The following CPQ variants were observed in gnomAD, a reference collection of about 807,000 sequenced individuals.
CPQ encodes Ser-Met dipeptidase.
A neutral mutation model predicts 45.7 loss-of-function variants in CPQ; 37 were observed. The ratio of observed to expected loss-of-function variants is 0.81; its 90% CI spans 0.62 to 1.07. The LOEUF (loss-of-function observed/expected upper bound fraction) is 1.07. CPQ is among the 50% of genes least tolerant of loss of function. CPQ has a pLI of 0.00. For synonymous variants in CPQ, 186 were observed against 205.8 expected, an observed-to-expected ratio of 0.90 and a Z score of 0.82; for missense variants, 537 against 572.9, an observed-to-expected ratio of 0.94 and a Z score of 0.64.
At chr8:96,660,061 C>T (rs868073234) in intron 1 of CPQ, among the ~76,000 whole-genome samples, 1 of 152,144 alleles carries the variant, frequency 6.6e-6, no homozygotes, top group Non-Finnish European at 1.5e-5. Context: ...AGGTATATTT[C>T]TAGGTGGATT....
chr8:96,896,992 C>A (rs1333579994), intron 4 of CPQ, among the ~76,000 whole-genome samples: 1 of 152,116 alleles, frequency 6.6e-6, no homozygotes, highest in Non-Finnish European at 1.5e-5. Flanking sequence ...GATATGGAAT[C>A]CCCATCTTCT....
intron 1 of CPQ, among the ~76,000 whole-genome samples, chr8:96,718,217 C>T: frequency 6.6e-6 from 1 of 152,220 alleles, no homozygotes; most frequent in East Asian, 1.9e-4. Flanking sequence ...TAACTGGGGG[C>T]TTCTCCCAAC....
chr8:96,860,504 T>G (rs1811912614), intron 3 of CPQ, among the ~76,000 whole-genome samples: 1 of 152,164 alleles, frequency 6.6e-6, no homozygotes, highest in Non-Finnish European at 1.5e-5. Flanking sequence ...AGCTCCTTGA[T>G]CCAGTAACAG....
At chr8:97,069,243 A>T (rs1480112600) in intron 7 of CPQ, among the ~76,000 whole-genome samples, 2 of 152,066 alleles carry the variant, frequency 1.3e-5, no homozygotes, top group Non-Finnish European at 2.9e-5. Flanking sequence ...TCTTCCTTTT[A>T]TTACTTTTGA....
At chr8:96,883,951 A>T (rs1812265941) in intron 4 of CPQ, among the ~76,000 whole-genome samples, 1 of 152,166 alleles carries the variant, frequency 6.6e-6, no homozygotes, top group Admixed American at 6.5e-5. Flanking sequence ...AAAATGAAGG[A>T]GTAAGTAAGA....
chr8:96,649,572 G>A (rs1815554998), intron 1 of CPQ, among the ~76,000 whole-genome samples: 1 of 152,198 alleles, frequency 6.6e-6, no homozygotes, highest in Non-Finnish European at 1.5e-5. Context: ...TGGGTGAGTG[G>A]AGATGCCACT....
Position 96,912,992 on chromosome 8 carries a change from T to C in CPQ, c.849+32987T>C, listed in dbSNP as rs570391822. 2.0e-5 allele frequency among the ~76,000 whole-genome samples: 3 copies of C among 152,296 alleles called. No individual in the cohort carries two copies. The South Asian group carries it at 6.2e-4, about 32-fold the overall frequency. On this transcript the variant is annotated intron_variant, in intron 4 of 7. Coordinates refer to ENST00000220763, the MANE Select transcript of CPQ (RefSeq NM_016134.4). ...GTAGAGGCCAGGACCAACTGTGTTA[T>C]CCTCTTTCTCCTGCTCCTCTCCTCC...
At chr8:96,971,040 T>A (rs914228251) in intron 5 of CPQ, among the ~76,000 whole-genome samples, 3 of 152,212 alleles carry the variant, frequency 2.0e-5, no homozygotes, top group Non-Finnish European at 4.4e-5. Flanking sequence ...TAACATTTGT[T>A]GGGAGAGTAT....
chr8:96,910,320 A>G (rs930464590), intron 4 of CPQ, among the ~76,000 whole-genome samples: 6 of 152,114 alleles, frequency 3.9e-5, no homozygotes, highest in Admixed American at 1.3e-4. Flanking sequence ...TTTGCTTACT[A>G]TGTCATATCT....
chr8:97,033,735 T>C (rs778343075), intron 6 of CPQ, among the ~76,000 whole-genome samples: 7 of 152,144 alleles, frequency 4.6e-5, no homozygotes, highest in Non-Finnish European at 7.4e-5. Flanking sequence ...TTTCTTCTTT[T>C]TGTTTTTCTG....
intron 1 of CPQ, among the ~76,000 whole-genome samples, chr8:96,652,389 G>A (rs767647555): frequency 6.6e-6 from 1 of 152,152 alleles, no homozygotes; most frequent in Non-Finnish European, 1.5e-5. Flanking sequence ...TGGACACTTC[G>A]GTTGATTCTA....
Position 97,131,541 on chromosome 8 carries a change from A to G in CPQ, c.1256-11479A>G, listed in dbSNP as rs556239452. Among the ~76,000 whole-genome samples the G allele has an allele frequency of 2.4e-4, 36 of 152,250 alleles. No individual in the cohort carries two copies. In the South Asian group the frequency reaches 5.8e-3, roughly 25 times the overall value. ...TTTCTTGTGACCTTGACCCTGTGAT[A>G]TCTGGAAATGAAAAAAGCCCATTTT... is the stretch of plus-strand genomic sequence containing the variant. On this transcript the variant is annotated intron_variant, in intron 7 of 7. Coordinates refer to ENST00000220763, the MANE Select transcript of CPQ (RefSeq NM_016134.4).
Position 96,908,747 on chromosome 8 carries a change from G to GCGCACACACACACACACA in CPQ, c.849+28743_849+28744insGCACACACACACACACAC, listed in dbSNP as rs149476038. Among the ~76,000 whole-genome samples, 4 of 141,016 alleles carry GCGCACACACACACACACA rather than the reference G, an allele frequency of 2.8e-5. No individual in the cohort carries two copies. The East Asian group carries it at 8.2e-4, about 29-fold the overall frequency. 92.5% of individuals were successfully genotyped at this position (141,016 alleles called of 152,430 possible). On this transcript the variant is annotated intron_variant, in intron 4 of 7. Transcript: ENST00000220763. ...TCTCTTTTCAGTTTTATACACATGCGCACACACACACACACACACACACAC... is the reference window on the plus strand; with the variant it reads ...TCTCTTTTCAGTTTTATACACATGCGCGCACACACACACACACACACACACACACACACACACACACAC...
intron 1 of CPQ, among the ~76,000 whole-genome samples, chr8:96,765,986 G>T (rs1466234037): frequency 1.3e-5 from 2 of 152,276 alleles, no homozygotes; most frequent in East Asian, 3.9e-4. Flanking sequence ...CCTGTAGGAG[G>T]CCCTCCCACT....
At chr8:96,766,285 C>T (rs745836304) in intron 1 of CPQ, among the ~76,000 whole-genome samples, 1 of 152,114 alleles carries the variant, frequency 6.6e-6, no homozygotes, top group African/African-American at 2.4e-5. Flanking sequence ...AGTGTGACTT[C>T]CGGAGCACAC....
At chr8:96,738,092 A>C (rs1810015898) in intron 1 of CPQ, among the ~76,000 whole-genome samples, 1 of 152,126 alleles carries the variant, frequency 6.6e-6, no homozygotes, top group Non-Finnish European at 1.5e-5. Flanking sequence ...GCAATGTATG[A>C]GATATAGATT....
At position 97,118,637 on chromosome 8, in the gene CPQ, G is replaced by A. The variant is rs760447049; in HGVS notation, c.1256-24383G>A. ...TACAAATGTCACATTCTGCCGTCAC[G>A]TAATGGTCCTCACAGCTTGAGGTAG... is the stretch of plus-strand genomic sequence containing the variant. On this transcript the variant is annotated intron_variant, in intron 7 of 7. Transcript: ENST00000220763. 4.6e-5 allele frequency among the ~76,000 whole-genome samples: 7 copies of A among 152,152 alleles called. 1 individual carries two copies. The South Asian group carries it at 8.3e-4, about 18-fold the overall frequency.
At chr8:97,082,987 C>G (rs928196439) in intron 7 of CPQ, among the ~76,000 whole-genome samples, 5 of 152,172 alleles carry the variant, frequency 3.3e-5, no homozygotes, top group African/African-American at 1.2e-4. Flanking sequence ...AACCACTTAC[C>G]TGACACTTGT....
intron 5 of CPQ, among the ~76,000 whole-genome samples, chr8:96,993,321 G>A (rs1179605429): frequency 6.6e-6 from 1 of 152,126 alleles, no homozygotes; most frequent in Non-Finnish European, 1.5e-5. Context: ...AAATTCAAGA[G>A]TCAATGTCCT....
Sources: allele counts gnomAD v4.1 joint callset (sites outside exome capture counted in the v4.1 genomes callset), GRCh38; gene constraint gnomAD v4.1.1; transcripts MANE v1.5; gene names NCBI Gene and HGNC (gene_info 2026-07-23, HGNC 2026-07-21).